Variants in PPP1R16B observed in about 807,000 individuals in gnomAD.
PPP1R16B encodes protein phosphatase 1 regulatory inhibitor subunit 16B.
In PPP1R16B, 14 loss-of-function variants were observed where a neutral mutation model predicts 61.7. The observed-to-expected ratio is 0.23, with a 90% confidence interval of 0.15 to 0.35. PPP1R16B has a LOEUF of 0.35. PPP1R16B is among the 10% of genes least tolerant of loss of function. The pLI is 1.00. For synonymous variants in PPP1R16B, 266 were observed against 305.3 expected (o/e 0.87, Z 1.34); for missense variants, 547 against 752.5 (o/e 0.73, Z 3.19).
intron 2 of PPP1R16B, among the ~76,000 whole-genome samples, chr20:38,869,775 A>G (rs1472111499): frequency 6.6e-6 from 1 of 152,034 alleles, no homozygotes; most frequent in African/African-American, 2.4e-5. Context: ...CCTATGGAAT[A>G]TATTAAAGGG....
chr20:38,901,688 G>A (rs563049191), intron 5 of PPP1R16B, among the ~76,000 whole-genome samples: 1 of 152,316 alleles, frequency 6.6e-6, no homozygotes, highest in South Asian at 2.1e-4. Flanking sequence ...GGGATTACAG[G>A]CGTGAACCCC....
chr20:38,908,006 A>G (rs1481573103), intron 9 of PPP1R16B, 22 bp from the exon 10 acceptor site: 2 of 1,613,934 alleles, frequency 1.2e-6, no homozygotes, highest in Non-Finnish European at 1.7e-6. Context: ...TGCAGCCTCT[A>G]GGACCCACTT....
chr20:38,835,762 C>T, intron 1 of PPP1R16B, 63 bp from the exon 2 acceptor site: 4 of 845,308 alleles, frequency 4.7e-6, no homozygotes, highest in Non-Finnish European at 3.5e-6. Context: ...CGTTGGGGGA[C>T]GATCAGATCT....
intron 2 of PPP1R16B, among the ~76,000 whole-genome samples, chr20:38,889,108 C>G (rs2085270699): frequency 6.6e-6 from 1 of 152,154 alleles, no homozygotes; most frequent in African/African-American, 2.4e-5. Flanking sequence ...CACCTTCAAA[C>G]CACATGCTGG....
At chr20:38,831,310 A>G (rs2084835710) in intron 1 of PPP1R16B, among the ~76,000 whole-genome samples, 1 of 152,190 alleles carries the variant, frequency 6.6e-6, no homozygotes, top group South Asian at 2.1e-4. Flanking sequence ...GGGTCTCACG[A>G]GGAGGCCAGT....
At chr20:38,848,134 G>T (rs1387130791) in intron 2 of PPP1R16B, among the ~76,000 whole-genome samples, 1 of 152,078 alleles carries the variant, frequency 6.6e-6, no homozygotes, top group Non-Finnish European at 1.5e-5. Context: ...GCCTGCAAAG[G>T]TTAAAATATT....
In PPP1R16B at chr20:38,906,958, G is replaced by C. The variant is rs534799980; in HGVS notation, c.823-21G>C. 2.4e-5 allele frequency: 39 copies of C among 1,610,148 alleles called. No individual in the cohort carries two copies. In the East Asian group the frequency reaches 7.8e-4, roughly 32 times the overall value. ...CTGAGCTCTGGGCAGGGGGACACAT[G>C]AGCTTCTTCCTGTGTTTCAGATGCA... On this transcript the variant is annotated intron_variant, in intron 7 of 10. Coordinates refer to ENST00000299824, the MANE Select transcript of PPP1R16B (RefSeq NM_015568.4).
intron 2 of PPP1R16B, among the ~76,000 whole-genome samples, chr20:38,859,872 T>C (rs1212418751): frequency 6.6e-6 from 1 of 152,240 alleles, no homozygotes; most frequent in Non-Finnish European, 1.5e-5. Context: ...TAATATATTT[T>C]ATTTAATCCA....
rs925499759 is a variant in PPP1R16B, at chr20:38,908,056, G to A, written c.1057G>A (p.Asp353Asn). 1 of 1,614,246 alleles carries A rather than the reference G, an allele frequency of 6.2e-7. No individual in the cohort carries two copies. Among genetic ancestry groups the A allele is most frequent in the Non-Finnish European group, 8.5e-7 (1 of 1,180,034 alleles). Residue 353 changes from aspartate to asparagine, a missense_variant, in exon 10 of 11, where the codon GAC (aspartate) becomes AAC (asparagine). Asp to Asn is a conservative substitution (Grantham distance 23, BLOSUM62 1). Coordinates refer to ENST00000299824, the MANE Select transcript of PPP1R16B (RefSeq NM_015568.4). ...GGTGGTGCGGCGAGCCAGCCTGTCG[G>A]ACAGGACCAACCTGTATAGGAAGGA... is the stretch of plus-strand genomic sequence containing the variant. ...GKVVRRASLS[D>N]RTNLYRKEYE...
intron 2 of PPP1R16B, among the ~76,000 whole-genome samples, chr20:38,861,955 G>A (rs752006009): frequency 3.3e-5 from 5 of 152,148 alleles, no homozygotes; most frequent in Non-Finnish European, 5.9e-5. Flanking sequence ...GATTACAGGC[G>A]TGAGCCACCG....
chr20:38,918,348 G>C lies in PPP1R16B; in HGVS notation c.1386G>C (p.Val462=). The change falls in exon 11 of 11, where the codon GTG becomes GTC. Residue 462 remains valine (V), a synonymous_variant. Transcript: ENST00000299824. This position sits in a 1 kb window ranked among gnomAD's most constrained non-coding sequence, Gnocchi z 5.3. ...DYSMAYGNPG[V]ADATPPWSSY... ...GCATGGCCTATGGCAACCCTGGCGT[G>C]GCCGACGCCACCCCGCCCTGGAGCA... 6.2e-7 allele frequency: 1 copy of C among 1,614,154 alleles called. No homozygotes were observed. The highest frequency in any genetic ancestry group is 1.1e-5 in the South Asian group (1 of 91,078).
At chr20:38,834,009 A>G (rs1217020447) in intron 1 of PPP1R16B, among the ~76,000 whole-genome samples, 1 of 152,142 alleles carries the variant, frequency 6.6e-6, no homozygotes, top group African/African-American at 2.4e-5. Flanking sequence ...ACCACATCAC[A>G]CAGATGTAGA....
chr20:38,886,947 G>T (rs1037520436), intron 2 of PPP1R16B, among the ~76,000 whole-genome samples: 2 of 152,236 alleles, frequency 1.3e-5, no homozygotes, highest in Admixed American at 1.3e-4. Context: ...TTATATAATT[G>T]TAGTTGTGAC....
In PPP1R16B at chr20:38,918,936, G is replaced by A; in HGVS notation, c.*270G>A. The A allele has an allele frequency of 2.5e-6, 1 of 395,310 alleles. No individual in the cohort carries two copies. The highest frequency in any genetic ancestry group is 6.6e-5 in the South Asian group (1 of 15,118). The allele number at this position is 395,310 out of a possible 1,614,324, so 24.5% of individuals were successfully genotyped here. A position where few individuals can be genotyped will look rare whatever the true frequency, so the allele number is the denominator to read the frequency against. On this transcript the variant is annotated 3_prime_UTR_variant, in exon 11 of 11. Transcript: ENST00000299824. This position sits in a 1 kb window ranked among gnomAD's most constrained non-coding sequence, Gnocchi z 5.3. The stretch of plus-strand genomic sequence containing the variant: ...CTGCTGTCTGATCTTGGGAGGGTGG[G>A]CTTGAGATCCCAGCTCTATTCTTGG...
At chr20:38,868,413 C>T (rs1396715647) in intron 2 of PPP1R16B, among the ~76,000 whole-genome samples, 5 of 150,354 alleles carry the variant, frequency 3.3e-5, no homozygotes, top group Non-Finnish European at 5.9e-5. Context: ...GAGACAGGGT[C>T]TCACTCTGTC....
At chr20:38,853,072 C>A (rs2084980544) in intron 2 of PPP1R16B, among the ~76,000 whole-genome samples, 1 of 151,992 alleles carries the variant, frequency 6.6e-6, no homozygotes, top group South Asian at 2.1e-4. Context: ...GCGCCCGGCC[C>A]CACTGTTTCC....
intron 2 of PPP1R16B, among the ~76,000 whole-genome samples, chr20:38,858,837 A>C (rs745524030): frequency 5.3e-5 from 8 of 152,124 alleles, no homozygotes; most frequent in Non-Finnish European, 7.4e-5. Flanking sequence ...ATTATCTCAC[A>C]TGGGTCAGGG....
At chr20:38,888,507 T>A (rs2145759010) in intron 2 of PPP1R16B, among the ~76,000 whole-genome samples, 2 of 152,288 alleles carry the variant, frequency 1.3e-5, no homozygotes, top group Middle Eastern at 6.8e-3. Flanking sequence ...CGGAGTCATT[T>A]GGACAGGGAC....
chr20:38,901,915 G>C (rs1033769423), intron 5 of PPP1R16B, among the ~76,000 whole-genome samples: 1 of 152,190 alleles, frequency 6.6e-6, no homozygotes, highest in African/African-American at 2.4e-5. Flanking sequence ...TGTGGGTTTT[G>C]CTTACATTCT....
Sources: gnomAD v4.1 joint callset for allele counts (sites outside exome capture counted in the v4.1 genomes callset) on GRCh38, gnomAD v4.1.1 for gene constraint, Gnocchi (gnomAD v3.1) non-coding constraint, MANE v1.5 for transcripts, NCBI Gene and HGNC (gene_info 2026-07-23, HGNC 2026-07-21) for gene names.